SHROOM4: variants seen among roughly 807,000 people sequenced by gnomAD.
SHROOM4 encodes protein Shroom4.
SHROOM4 carries 17 observed loss-of-function variants against 80.3 expected under a neutral mutation model. The ratio of observed to expected loss-of-function variants is 0.21; its 90% CI spans 0.14 to 0.32. SHROOM4 has a LOEUF of 0.32. SHROOM4 is among the 10% of genes least tolerant of loss of function. The pLI is 1.00. For missense variants in SHROOM4, 993 were observed against 1,140.3 expected, an observed-to-expected ratio of 0.87 and a Z score of 1.86; for synonymous variants, 400 against 437.5, an observed-to-expected ratio of 0.91 and a Z score of 1.07.
chrX:50,663,878 G>C (rs1932600537), intron 2 of SHROOM4, among the ~76,000 whole-genome samples: 1 of 111,476 alleles, frequency 9.0e-6, no homozygotes, highest in South Asian at 3.7e-4. Flanking sequence ...AGAGTACAGG[G>C]CTAGAGCATA....
Position 50,634,716 on chromosome X carries a change from T to G in SHROOM4, c.1357A>C (p.Ser453Arg). ...CATGGACTTTTCTTCCCTTTGTGGC[T>G]GCTGTGCAAAGGGGACAGAGTCCAC... ...HQWTLSPLHS[S>R]HKGKKSPCPP... The change falls in exon 4 of 9, where the codon AGC (serine) becomes CGC (arginine). Residue 453 changes from serine (S) to arginine (R), a missense_variant. Physicochemically the swap from Ser to Arg is moderately radical, Grantham distance 110. Transcript: ENST00000376020. 1.3e-5 allele frequency: 16 copies of G among 1,211,790 alleles called. No individual in the cohort carries two copies. Among genetic ancestry groups the G allele is most frequent in the Non-Finnish European group, 1.7e-5 (15 of 895,479 alleles).
Position 50,592,472 on chromosome X carries a change from C to G in SHROOM4, c.*4223G>C. ...CAGGTTCATTGAATAAGTGGCAGAA[C>G]CAGGATTTGAACACAGTTCATTCTA... On this transcript the variant is annotated 3_prime_UTR_variant, in exon 9 of 9. Transcript: ENST00000376020. 4.4e-6 allele frequency: 1 copy of G among 228,408 alleles called. No homozygotes were observed. The highest frequency in any genetic ancestry group is 5.3e-5 in the South Asian group (1 of 18,915). 18.8% of individuals were successfully genotyped at this position (228,408 alleles called of 1,213,427 possible).
downstream of SHROOM4, among the ~76,000 whole-genome samples, chrX:50,581,931 T>C (rs1174904599): frequency 9.0e-6 from 1 of 111,409 alleles, no homozygotes; most frequent in African/African-American, 3.3e-5. Context: ...CTACCACATA[T>C]CTTATACCAC....
At chrX:50,603,551 C>G (rs1239951688) in intron 6 of SHROOM4, among the ~76,000 whole-genome samples, 10 of 111,370 alleles carry the variant, frequency 9.0e-5, no homozygotes, top group African/African-American at 2.3e-4. Context: ...CTCTCCACTT[C>G]TGGCATATTC....
At chrX:50,795,974 T>A (rs1177345887) in intron 1 of SHROOM4, among the ~76,000 whole-genome samples, 1 of 112,167 alleles carries the variant, frequency 8.9e-6, no homozygotes, top group Non-Finnish European at 1.9e-5. Flanking sequence ...AAAGGAAGTA[T>A]CCATGATTTC....
intron 1 of SHROOM4, among the ~76,000 whole-genome samples, chrX:50,795,248 T>C (rs1310985152): frequency 1.1e-4 from 11 of 101,591 alleles, no homozygotes; most frequent in Non-Finnish European, 2.2e-4. Context: ...TGCAAAACTA[T>C]TGGGCAATAA....
the SHROOM4 span, among the ~76,000 whole-genome samples, chrX:50,581,025 C>A: frequency 1.8e-5 from 2 of 111,679 alleles, no homozygotes; most frequent in African/African-American, 6.5e-5. Flanking sequence ...AAATCCTATT[C>A]CACCAAAAGT....
intron 2 of SHROOM4, among the ~76,000 whole-genome samples, chrX:50,655,182 A>G (rs782131415): frequency 5.5e-5 from 6 of 109,806 alleles, no homozygotes; most frequent in Admixed American, 9.9e-5. Flanking sequence ...TATTTATCCA[A>G]TTCACCATTG....
At chrX:50,698,259 T>A (rs1379391884) in intron 1 of SHROOM4, among the ~76,000 whole-genome samples, 3 of 112,170 alleles carry the variant, frequency 2.7e-5, no homozygotes, top group African/African-American at 9.7e-5. Flanking sequence ...TACTGCTCCT[T>A]CAGCTGCCAC....
chrX:50,654,231 G>A (rs1370466917), intron 2 of SHROOM4, among the ~76,000 whole-genome samples: 2 of 111,589 alleles, frequency 1.8e-5, no homozygotes, highest in African/African-American at 6.5e-5. Context: ...GTCAGGGGGA[G>A]ATAAGTGCTG....
intron 1 of SHROOM4, among the ~76,000 whole-genome samples, chrX:50,802,965 A>G (rs1936156878): frequency 8.9e-6 from 1 of 112,225 alleles, no homozygotes; most frequent in African/African-American, 3.2e-5. Flanking sequence ...ATCTTTCTTC[A>G]ATTTCCTCAT....
At chrX:50,580,125 C>T in the SHROOM4 span, among the ~76,000 whole-genome samples, 1 of 111,843 alleles carries the variant, frequency 8.9e-6, no homozygotes, top group Non-Finnish European at 1.9e-5. Context: ...TTACACCTAA[C>T]GTAACCATTG....
intron 2 of SHROOM4, among the ~76,000 whole-genome samples, chrX:50,652,703 A>G (rs782195137): frequency 1.8e-5 from 2 of 112,087 alleles, no homozygotes; most frequent in South Asian, 7.4e-4. Context: ...TTATGGTTTT[A>G]GGTCTAACAT....
intron 1 of SHROOM4, among the ~76,000 whole-genome samples, chrX:50,728,353 C>A (rs1256992834): frequency 9.0e-6 from 1 of 110,501 alleles, no homozygotes; most frequent in Non-Finnish European, 1.9e-5. Context: ...AGCAAGACTC[C>A]ATCTCAAAAA....
intron 1 of SHROOM4, among the ~76,000 whole-genome samples, chrX:50,723,356 GGGAA>G (rs1428250480): frequency 7.3e-5 from 4 of 54,879 alleles, no homozygotes; most frequent in Non-Finnish European, 1.4e-4. Flanking sequence ...GGGGCAGGGA[GGGAA>G]GGAAGGAGGG....
intron 1 of SHROOM4, among the ~76,000 whole-genome samples, chrX:50,723,386 A>AGGG (rs1934170620): frequency 8.6e-5 from 5 of 58,163 alleles, no homozygotes; most frequent in African/African-American, 2.8e-4. Flanking sequence ...GGGAGGGAGC[A>AGGG]AGGGAGGGAG....
In SHROOM4 at chrX:50,814,091, G is replaced by T. The variant is rs782228743; in HGVS notation, c.-73C>A. ...CGTTGCCTCCGCCCCCAGCAGCTCC[G>T]CCACCATCGCCCTCCAGCTCTACGC... On this transcript the variant is annotated 5_prime_UTR_variant, in exon 1 of 9. Transcript: ENST00000376020. The T allele has an allele frequency of 7.8e-5, 54 of 690,723 alleles. No homozygotes were observed. The highest frequency in any genetic ancestry group is 1.2e-4 in the Non-Finnish European group (52 of 436,171). The allele number at this position is 690,723 out of a possible 1,213,427, so 56.9% of individuals were successfully genotyped here.
At chrX:50,717,703 A>G (rs1934001041) in intron 1 of SHROOM4, among the ~76,000 whole-genome samples, 1 of 111,951 alleles carries the variant, frequency 8.9e-6, no homozygotes, top group African/African-American at 3.2e-5. Flanking sequence ...ACTCCAAGCC[A>G]GCATCTCCCC....
At chrX:50,663,137 C>T (rs1212884589) in intron 2 of SHROOM4, among the ~76,000 whole-genome samples, 6 of 111,677 alleles carry the variant, frequency 5.4e-5, no homozygotes, top group African/African-American at 2.0e-4. Flanking sequence ...CACTTAAATA[C>T]CACACCAGTT....
Sources: gnomAD v4.1 joint callset for allele counts (sites outside exome capture counted in the v4.1 genomes callset) on GRCh38, gnomAD v4.1.1 for gene constraint, MANE v1.5 for transcripts, NCBI Gene and HGNC (gene_info 2026-07-23, HGNC 2026-07-21) for gene names.